Variants in FAM199X observed in about 807,000 individuals in gnomAD.
The protein encoded by FAM199X is protein FAM199X.
A neutral mutation model predicts 22.9 loss-of-function variants in FAM199X; 4 were observed. The observed-to-expected ratio is 0.17, with a 90% CI of 0.09 to 0.40. The LOEUF (loss-of-function observed/expected upper bound fraction) is 0.40, where lower values mean the gene tolerates loss of function less well. FAM199X is among the 10% of genes least tolerant of loss of function. FAM199X has a pLI of 1.00. For missense variants in FAM199X, 183 were observed against 306.8 expected (o/e 0.60, Z 3.01); for synonymous variants, 101 against 112.3 (o/e 0.90, Z 0.64).
chrX:104,190,671 C>G lies in FAM199X; in HGVS notation c.*893C>G, dbSNP rs782098006. ...TCAGGCAGGAAGTCAGTCTATATCTCTCTCAAGTTCTTATTGTAGGTCATT... is the reference window on the plus strand; with the variant it reads ...TCAGGCAGGAAGTCAGTCTATATCTGTCTCAAGTTCTTATTGTAGGTCATT... On this transcript the variant is annotated 3_prime_UTR_variant, in exon 6 of 6. Coordinates refer to ENST00000493442, the MANE Select transcript of FAM199X (RefSeq NM_207318.4). 1 of 111,293 alleles carries G rather than the reference C, an allele frequency of 9.0e-6. No individual in the cohort carries two copies. Among genetic ancestry groups the G allele is most frequent in the Non-Finnish European group, 1.9e-5 (1 of 53,018 alleles). 9.2% of individuals were successfully genotyped at this position (111,293 alleles called of 1,213,427 possible). A position where few individuals can be genotyped will look rare whatever the true frequency, so the allele number is the denominator to read the frequency against.
chrX:104,180,577 A>G (rs1203115482), intron 2 of FAM199X, among the ~76,000 whole-genome samples: 1 of 111,146 alleles, frequency 9.0e-6, no homozygotes, highest in Non-Finnish European at 1.9e-5. Flanking sequence ...TGTCAGAACA[A>G]AAATCAGACC....
chrX:104,189,430 G>A (rs1921884587), intron 5 of FAM199X, among the ~76,000 whole-genome samples, 178 bp from the exon 6 acceptor site: 1 of 111,646 alleles, frequency 9.0e-6, no homozygotes, highest in South Asian at 3.7e-4. Context: ...CACAAAATTG[G>A]AATCTTAATC....
At chrX:104,162,353 G>A (rs1267579654), upstream of FAM199X, among the ~76,000 whole-genome samples, 1 of 112,061 alleles carries the variant, frequency 8.9e-6, no homozygotes, top group East Asian at 2.8e-4. Flanking sequence ...CATCTTGAAG[G>A]ATTGGCTCTT....
At chrX:104,182,011 G>A (rs1384443054) in intron 2 of FAM199X, among the ~76,000 whole-genome samples, 1 of 82,120 alleles carries the variant, frequency 1.2e-5, no homozygotes, top group Non-Finnish European at 2.3e-5. Flanking sequence ...TTTTTGAGAT[G>A]TAATCTTACT....
At chrX:104,176,923 C>T (rs929885438) in intron 2 of FAM199X, among the ~76,000 whole-genome samples, 1 of 111,313 alleles carries the variant, frequency 9.0e-6, no homozygotes, top group Non-Finnish European at 1.9e-5. Context: ...CACAACCCTT[C>T]CATTTTTGTT....
intron 1 of FAM199X, among the ~76,000 whole-genome samples, chrX:104,171,348 A>G (rs1387790153): frequency 1.8e-5 from 2 of 111,298 alleles, no homozygotes; most frequent in African/African-American, 3.3e-5. Flanking sequence ...AACGTCTTTC[A>G]AGATTTTGGA....
Position 104,192,233 on chromosome X carries a change from G to A in FAM199X, c.*2455G>A, listed in dbSNP as rs1556380575. ...GTCTTGTGTAGATAATTCAAAGTTT[G>A]AACTATTTCTTTCTTGGAATAAGTA... On this transcript the variant is annotated 3_prime_UTR_variant, in exon 6 of 6. Transcript: ENST00000493442. 4.5e-5 allele frequency: 5 copies of A among 111,239 alleles called. No homozygotes were observed. The Admixed American group carries it at 4.8e-4, about 11-fold the overall frequency. The allele number at this position is 111,239 out of a possible 1,213,427, so 9.2% of individuals were successfully genotyped here. A position where few individuals can be genotyped will look rare whatever the true frequency, so the allele number is the denominator to read the frequency against.
At chrX:104,174,081 C>G (rs1436580571) in intron 1 of FAM199X, among the ~76,000 whole-genome samples, 4 of 110,818 alleles carry the variant, frequency 3.6e-5, no homozygotes, top group African/African-American at 1.3e-4. Context: ...TTGAGACGAG[C>G]CTGGGCAACA....
the FAM199X span, among the ~76,000 whole-genome samples, chrX:104,158,723 C>T: frequency 8.9e-6 from 1 of 112,011 alleles, no homozygotes; most frequent in East Asian, 2.8e-4. Context: ...CCCAACTTAT[C>T]ATCAGGCAGT....
At chrX:104,158,189 C>G in the FAM199X span, among the ~76,000 whole-genome samples, 8 of 111,690 alleles carry the variant, frequency 7.2e-5, no homozygotes, top group Non-Finnish European at 1.1e-4. Context: ...TCTCTCTCCC[C>G]CAACTCCCCA....
At chrX:104,187,846 G>A (rs1009407667) in intron 4 of FAM199X, among the ~76,000 whole-genome samples, 194 bp from the exon 5 acceptor site, 6 of 112,112 alleles carry the variant, frequency 5.4e-5, no homozygotes, top group Non-Finnish European at 7.5e-5. Flanking sequence ...GCTCTATAAC[G>A]TGTTTTCTAG....
intron 1 of FAM199X, among the ~76,000 whole-genome samples, chrX:104,167,903 GT>G (rs1407416671): frequency 3.7e-5 from 4 of 109,482 alleles, no homozygotes; most frequent in African/African-American, 1.3e-4. Context: ...GGCTGGGGGG[GT>G]GTGTGGTTAA....
At chrX:104,167,034 C>T in intron 1 of FAM199X, 52 bp downstream of exon 1, 1 of 1,041,473 alleles carries the variant, frequency 9.6e-7, no homozygotes. Context: ...TGGTCGCCCC[C>T]CGCTCCTGAT....
chrX:104,179,525 T>C (rs1921587645), intron 2 of FAM199X, among the ~76,000 whole-genome samples: 1 of 112,332 alleles, frequency 8.9e-6, no homozygotes, highest in African/African-American at 3.2e-5. Context: ...TCATGTTAGA[T>C]TTAATAATTT....
chrX:104,171,141 C>T (rs1556375318), intron 1 of FAM199X, among the ~76,000 whole-genome samples: 1 of 111,599 alleles, frequency 9.0e-6, no homozygotes, highest in Non-Finnish European at 1.9e-5. Flanking sequence ...GGAATGTGTA[C>T]ATGGTACACA....
rs138304548 is a variant in FAM199X, at chrX:104,167,093, C to A, written c.197+111C>A. 2.4e-3 allele frequency: 1,609 copies of A among 670,586 alleles called. 28 individuals carry two copies. The African/African-American group carries it at 0.035, about 15-fold the overall frequency. The allele number at this position is 670,586 out of a possible 1,213,427, so 55.3% of individuals were successfully genotyped here. ...AGTCGCCCCCTCCCCCACCTGCTTT[C>A]GACCAGCGCTCATTCCCGGCCTCCT... On this transcript the variant is annotated intron_variant, in intron 1 of 5. Coordinates refer to ENST00000493442, the MANE Select transcript of FAM199X (RefSeq NM_207318.4).
chrX:104,174,211 C>T (rs1461130314), intron 1 of FAM199X, among the ~76,000 whole-genome samples: 2 of 110,762 alleles, frequency 1.8e-5, no homozygotes, highest in African/African-American at 6.6e-5. Flanking sequence ...TGGAGGCTGA[C>T]ATGGGAGAAT....
upstream of FAM199X, among the ~76,000 whole-genome samples, chrX:104,163,451 G>T (rs1355326536): frequency 2.7e-5 from 3 of 111,535 alleles, no homozygotes; most frequent in African/African-American, 9.8e-5. Context: ...AGGGAGAGAT[G>T]AATTGGGTAA....
upstream of FAM199X, among the ~76,000 whole-genome samples, chrX:104,165,175 A>G (rs782716428): frequency 8.9e-6 from 1 of 112,708 alleles, no homozygotes; most frequent in East Asian, 2.8e-4. Context: ...TCATTTTGAA[A>G]GCCACATACA....
Sources: allele counts gnomAD v4.1 joint callset (sites outside exome capture counted in the v4.1 genomes callset), GRCh38; gene constraint gnomAD v4.1.1; transcripts MANE v1.5; gene names NCBI Gene and HGNC (gene_info 2026-07-23, HGNC 2026-07-21).